The following ZC3H3 variants were observed in gnomAD, a reference collection of about 807,000 sequenced individuals.
The protein encoded by ZC3H3 is zinc finger CCCH domain-containing protein 3.
A neutral mutation model predicts 77.3 loss-of-function variants in ZC3H3; 36 were observed. The ratio of observed to expected loss-of-function variants is 0.47; its 90% CI spans 0.36 to 0.61. ZC3H3 has a LOEUF of 0.61. Ranked by LOEUF, ZC3H3 falls within the 20% of genes least tolerant of loss-of-function variation. The pLI, the probability that ZC3H3 is intolerant of heterozygous loss-of-function variation, is 0.00. For missense variants in ZC3H3, 1,331 were observed against 1,312.2 expected, an observed-to-expected ratio of 1.01 and a Z score of -0.22; for synonymous variants, 626 against 555.2, an observed-to-expected ratio of 1.13 and a Z score of -1.79.
At chr8:143,515,614 G>A (rs1044524496) in intron 3 of ZC3H3, among the ~76,000 whole-genome samples, 1 of 152,222 alleles carries the variant, frequency 6.6e-6, no homozygotes, top group African/African-American at 2.4e-5. Context: ...CCCATCACGA[G>A]AAGGAAGGCA....
At position 143,533,147 on chromosome 8, in the gene ZC3H3, G is replaced by A. The variant is rs972354530; in HGVS notation, c.1561+3110C>T. Among the ~76,000 whole-genome samples the A allele has an allele frequency of 2.0e-5, 3 of 151,830 alleles. No individual in the cohort carries two copies. The highest frequency in any genetic ancestry group is 2.9e-5 in the Non-Finnish European group (2 of 67,972). On this transcript the variant is annotated intron_variant, in intron 3 of 11. Transcript: ENST00000262577. The surrounding 1 kb of genome is among the most constrained non-coding windows in gnomAD (Gnocchi z 4.0). ...CCAACGTAACCAGAACCAACCCCCC[G>A]TTCCCTCCTGTGGCCTACAAGACCC... is the stretch of plus-strand genomic sequence containing the variant.
chr8:143,516,840 G>C (rs115767805), intron 3 of ZC3H3, among the ~76,000 whole-genome samples: 2,697 of 152,308 alleles, frequency 0.018, 78 homozygotes, highest in African/African-American at 0.061. Context: ...AAACATTTAC[G>C]GATTATCAAA....
chr8:143,509,373 T>A (rs962836449), intron 3 of ZC3H3, among the ~76,000 whole-genome samples: 1 of 152,346 alleles, frequency 6.6e-6, no homozygotes, highest in East Asian at 1.9e-4. Flanking sequence ...GCAGGCTCCT[T>A]GCTTCTGCCT....
chr8:143,466,269 G>A (rs565643415), intron 8 of ZC3H3, among the ~76,000 whole-genome samples: 4 of 152,322 alleles, frequency 2.6e-5, no homozygotes, highest in South Asian at 2.1e-4. Context: ...GACGAGCCAC[G>A]GGCCAGCAGC....
In ZC3H3 at chr8:143,538,224, G is replaced by C; in HGVS notation, c.1143C>G (p.Ala381=). Reference sequence around the variant, plus strand: ...AAGAGGAGGAGGCAGAGGGGCTGGAGGCCTTCCACTTGTACTTGCTGGGGG... The same window carrying C: ...AAGAGGAGGAGGCAGAGGGGCTGGACGCCTTCCACTTGTACTTGCTGGGGG... The part of the protein sequence containing the change: ...GSAPSKYKWK[A]SSPSASSSSS... Residue 381 remains alanine (A), a synonymous_variant, in exon 2 of 12, where the codon GCC becomes GCG. Coordinates refer to ENST00000262577, the MANE Select transcript of ZC3H3 (RefSeq NM_015117.3). 3 of 1,613,028 alleles carry C rather than the reference G, an allele frequency of 1.9e-6. No individual in the cohort carries two copies. Among genetic ancestry groups the C allele is most frequent in the Non-Finnish European group, 2.5e-6 (3 of 1,180,042 alleles).
In ZC3H3 at chr8:143,462,475, A is replaced by G. The variant is rs546106393; in HGVS notation, c.2307+3242T>C. On this transcript the variant is annotated intron_variant, in intron 9 of 11. Coordinates refer to ENST00000262577, the MANE Select transcript of ZC3H3 (RefSeq NM_015117.3). The surrounding 1 kb of genome is among the most constrained non-coding windows in gnomAD (Gnocchi z 4.7). ...GGCGAAAGCAAGGCACCAACAGAGA[A>G]GCGCTGTATGTGAACAAAACCAAGA... is the stretch of plus-strand genomic sequence containing the variant. Among the ~76,000 whole-genome samples the G allele has an allele frequency of 3.3e-5, 5 of 152,352 alleles. No individual in the cohort carries two copies. Among genetic ancestry groups the G allele is most frequent in the African/African-American group, 1.2e-4 (5 of 41,592 alleles).
intron 4 of ZC3H3, chr8:143,485,059 A>G (rs1465001472): frequency 1.1e-5 from 3 of 272,040 alleles, no homozygotes; most frequent in African/African-American, 6.8e-5. Flanking sequence ...AGACAGTGGC[A>G]AACACCAGTT....
intron 3 of ZC3H3, among the ~76,000 whole-genome samples, chr8:143,509,407 T>G (rs1181235794): frequency 6.6e-6 from 1 of 152,242 alleles, no homozygotes; most frequent in Non-Finnish European, 1.5e-5. Context: ...GCTGCCCGGC[T>G]GCTCCTGCCC....
In ZC3H3 at chr8:143,489,003, AGTCATGCCCCCTC is replaced by A. The variant is rs1821124035; in HGVS notation, c.1716-13431_1716-13419del. Among the ~76,000 whole-genome samples, 6 of 152,370 alleles carry A rather than the reference AGTCATGCCCCCTC, an allele frequency of 3.9e-5. No homozygotes were observed. The South Asian group carries it at 1.2e-3, about 32-fold the overall frequency. On this transcript the variant is annotated intron_variant, in intron 4 of 11. Coordinates refer to ENST00000262577, the MANE Select transcript of ZC3H3 (RefSeq NM_015117.3). ...GCTGACGAGGCCCGGAAGGGCCAGC[AGTCATGCCCCCTC>A]TGTCCCCCAAGCCAGTGGCAGCGCT...
chr8:143,529,247 GC>G (rs753068011), intron 3 of ZC3H3, among the ~76,000 whole-genome samples: 5 of 147,074 alleles, frequency 3.4e-5, no homozygotes, highest in Non-Finnish European at 7.4e-5. Context: ...ACCGGGAGAA[GC>G]CGCTGGGGAC....
At chr8:143,458,148 T>C (rs1290372187) in intron 9 of ZC3H3, among the ~76,000 whole-genome samples, 6 of 152,204 alleles carry the variant, frequency 3.9e-5, no homozygotes, top group African/African-American at 7.2e-5. Context: ...AAATTTCCAG[T>C]ATCACTGCAG....
intron 5 of ZC3H3, among the ~76,000 whole-genome samples, chr8:143,474,114 C>T (rs977551614): frequency 2.6e-5 from 4 of 152,294 alleles, no homozygotes; most frequent in South Asian, 4.1e-4. Context: ...ACTGAGCACC[C>T]GGGGTGTAGC....
At chr8:143,528,332 C>T (rs892540670) in intron 3 of ZC3H3, among the ~76,000 whole-genome samples, 2 of 152,226 alleles carry the variant, frequency 1.3e-5, no homozygotes, top group Admixed American at 6.5e-5. Context: ...ACTGCCGAGG[C>T]GCTGTGGGGC....
At chr8:143,470,083 C>T (rs775812715) in intron 5 of ZC3H3, among the ~76,000 whole-genome samples, 5 of 152,216 alleles carry the variant, frequency 3.3e-5, no homozygotes, top group Non-Finnish European at 5.9e-5. Context: ...GACTCCCACC[C>T]GAGGACCCAA....
intron 4 of ZC3H3, among the ~76,000 whole-genome samples, chr8:143,492,205 T>TC (rs1821225427): frequency 6.6e-6 from 1 of 152,168 alleles, no homozygotes; most frequent in South Asian, 2.1e-4. Flanking sequence ...CGGCAAAGCC[T>TC]CGGGGGGAGG....
At chr8:143,461,861 C>A (rs548668398) in intron 9 of ZC3H3, among the ~76,000 whole-genome samples, 1 of 152,022 alleles carries the variant, frequency 6.6e-6, no homozygotes, top group Non-Finnish European at 1.5e-5. Context: ...ATGAAAACAA[C>A]TGAAAGCTGC....
chr8:143,504,975 A>G (rs1284629397), intron 4 of ZC3H3, among the ~76,000 whole-genome samples: 1 of 152,210 alleles, frequency 6.6e-6, no homozygotes, highest in Non-Finnish European at 1.5e-5. Context: ...AGAGGCCTAG[A>G]TGACTTCCTC....
intron 1 of ZC3H3, among the ~76,000 whole-genome samples, chr8:143,540,899 T>A (rs956253127): frequency 3.3e-5 from 5 of 151,688 alleles, no homozygotes; most frequent in Non-Finnish European, 7.4e-5. Flanking sequence ...GAGATTGCAG[T>A]GAGCCGTGAT....
At chr8:143,512,484 G>A (rs1821900969) in intron 3 of ZC3H3, among the ~76,000 whole-genome samples, 1 of 152,246 alleles carries the variant, frequency 6.6e-6, no homozygotes, top group South Asian at 2.1e-4. Context: ...TGCCAGCCCA[G>A]GTCTCTGGCC....
Sources: allele counts gnomAD v4.1 joint callset (sites outside exome capture counted in the v4.1 genomes callset), GRCh38; gene constraint gnomAD v4.1.1; non-coding constraint Gnocchi (gnomAD v3.1); transcripts MANE v1.5; gene names NCBI Gene and HGNC (gene_info 2026-07-23, HGNC 2026-07-21).